Variants in ELOVL7 observed in about 807,000 individuals in gnomAD.
The protein encoded by ELOVL7 is very long chain fatty acid elongase 7.
In ELOVL7, 27 loss-of-function variants were observed where a neutral mutation model predicts 35.7. The observed-to-expected ratio is 0.76, with a 90% CI of 0.56 to 1.04. The LOEUF (loss-of-function observed/expected upper bound fraction) is 1.04. Among genes scored for constraint, ELOVL7 ranks in the 50% least tolerant of loss-of-function variants. The pLI is 0.00. For missense variants in ELOVL7, 327 were observed against 340.8 expected, an observed-to-expected ratio of 0.96 and a Z score of 0.32; for synonymous variants, 113 against 114.6, an observed-to-expected ratio of 0.99 and a Z score of 0.09.
chr5:60,808,232 C>T (rs1029020362), intron 1 of ELOVL7, among the ~76,000 whole-genome samples: 2 of 151,218 alleles, frequency 1.3e-5, no homozygotes, highest in Non-Finnish European at 2.9e-5. Flanking sequence ...AAGATGATCC[C>T]ATAAAAGGGT....
At chr5:60,833,031 C>T (rs1002751664) in intron 1 of ELOVL7, among the ~76,000 whole-genome samples, 1 of 152,132 alleles carries the variant, frequency 6.6e-6, no homozygotes, top group Admixed American at 6.5e-5. Context: ...TAATCCTCGC[C>T]CTGCCGTATT....
intron 2 of ELOVL7, 128 bp from the exon 3 acceptor site, chr5:60,787,559 T>G: frequency 1.9e-6 from 1 of 528,134 alleles, no homozygotes; most frequent in Non-Finnish European, 3.2e-6. Context: ...AAACTCCCAC[T>G]GAAGGCAAAT....
At chr5:60,838,251 C>T (rs1746948846) in intron 1 of ELOVL7, among the ~76,000 whole-genome samples, 1 of 152,148 alleles carries the variant, frequency 6.6e-6, no homozygotes, top group Non-Finnish European at 1.5e-5. Context: ...TCCCTGATCG[C>T]ACCTGCACTC....
At chr5:60,825,829 G>T (rs1366263761) in intron 1 of ELOVL7, among the ~76,000 whole-genome samples, 2 of 152,218 alleles carry the variant, frequency 1.3e-5, no homozygotes, top group African/African-American at 2.4e-5. Flanking sequence ...CCAGTAAAGG[G>T]TTTCTCTTTT....
At chr5:60,834,621 G>A (rs1746678042) in intron 1 of ELOVL7, among the ~76,000 whole-genome samples, 1 of 151,686 alleles carries the variant, frequency 6.6e-6, no homozygotes, top group Non-Finnish European at 1.5e-5. Context: ...TGGGCAACAT[G>A]GTGAGATCCT....
At chr5:60,817,005 T>C (rs1745552683) in intron 1 of ELOVL7, among the ~76,000 whole-genome samples, 1 of 152,316 alleles carries the variant, frequency 6.6e-6, no homozygotes, top group South Asian at 2.1e-4. Context: ...GTTAAATAAT[T>C]GGTAAACCTG....
intron 2 of ELOVL7, among the ~76,000 whole-genome samples, chr5:60,791,901 T>C (rs1218437180): frequency 6.6e-6 from 1 of 152,078 alleles, no homozygotes; most frequent in Admixed American, 6.5e-5. Context: ...TCTGTATCTG[T>C]GCGATTTTTT....
At chr5:60,841,637 G>A (rs1747178658) in intron 1 of ELOVL7, among the ~76,000 whole-genome samples, 1 of 152,134 alleles carries the variant, frequency 6.6e-6, no homozygotes, top group Non-Finnish European at 1.5e-5. Flanking sequence ...CCTATCTATG[G>A]CCAGAATAAC....
chr5:60,769,248 T>C (rs1742429671), intron 4 of ELOVL7, among the ~76,000 whole-genome samples: 1 of 152,256 alleles, frequency 6.6e-6, no homozygotes, highest in Non-Finnish European at 1.5e-5. Flanking sequence ...TATAAAATCC[T>C]ACTGTCAGTG....
chr5:60,836,520 C>T (rs1746806657), intron 1 of ELOVL7, among the ~76,000 whole-genome samples: 1 of 152,040 alleles, frequency 6.6e-6, no homozygotes, highest in South Asian at 2.1e-4. Flanking sequence ...AGACATAAAT[C>T]TTTCTGTCCT....
At chr5:60,817,679 C>CACTCACACCATATATAT (rs1745598977) in intron 1 of ELOVL7, among the ~76,000 whole-genome samples, 1 of 141,428 alleles carries the variant, frequency 7.1e-6, no homozygotes, top group South Asian at 2.2e-4. Flanking sequence ...CACATATATA[C>CACTCACACCATATATAT]ACACACACCA....
intron 3 of ELOVL7, among the ~76,000 whole-genome samples, chr5:60,782,328 A>T (rs1743305221): frequency 6.6e-6 from 1 of 152,220 alleles, no homozygotes; most frequent in South Asian, 2.1e-4. Context: ...AGCTATAAGG[A>T]AAACTACATG....
chr5:60,770,892 G>A (rs1352774753), intron 4 of ELOVL7, among the ~76,000 whole-genome samples: 2 of 152,122 alleles, frequency 1.3e-5, no homozygotes, highest in Admixed American at 6.5e-5. Context: ...TAGACACAAG[G>A]TCTCCCTATG....
At chr5:60,792,771 C>T (rs1381604616) in intron 2 of ELOVL7, among the ~76,000 whole-genome samples, 5 of 152,074 alleles carry the variant, frequency 3.3e-5, no homozygotes, top group African/African-American at 1.2e-4. Context: ...AACCAGGACC[C>T]GAAAAGACAA....
chr5:60,802,860 A>G (rs1744724389), intron 1 of ELOVL7, among the ~76,000 whole-genome samples: 1 of 152,238 alleles, frequency 6.6e-6, no homozygotes, highest in African/African-American at 2.4e-5. Flanking sequence ...CAGAAAACTC[A>G]TAATGGCTTA....
intron 3 of ELOVL7, among the ~76,000 whole-genome samples, chr5:60,774,888 C>A (rs1742813412): frequency 6.6e-6 from 1 of 151,648 alleles, no homozygotes; most frequent in Non-Finnish European, 1.5e-5. Context: ...GCCTCAGTCT[C>A]CTGAGGAGCT....
intron 4 of ELOVL7, among the ~76,000 whole-genome samples, chr5:60,768,185 C>G (rs767300090): frequency 1.3e-5 from 2 of 152,172 alleles, no homozygotes; most frequent in Non-Finnish European, 2.9e-5. Flanking sequence ...GAATAAAACA[C>G]TTGGAGTGTT....
intron 1 of ELOVL7, among the ~76,000 whole-genome samples, chr5:60,840,987 T>C (rs1747130041): frequency 6.6e-6 from 1 of 151,188 alleles, no homozygotes; most frequent in South Asian, 2.1e-4. Context: ...CTAGGTATTA[T>C]ATGGAAAACA....
At chr5:60,756,884 CATA>C (rs1485087373) in intron 8 of ELOVL7, among the ~76,000 whole-genome samples, 3 of 152,092 alleles carry the variant, frequency 2.0e-5, no homozygotes, top group Non-Finnish European at 4.4e-5. Context: ...ATCTCAAACC[CATA>C]ATGAGTCTCC....
Sources: allele counts gnomAD v4.1 joint callset (sites outside exome capture counted in the v4.1 genomes callset), GRCh38; gene constraint gnomAD v4.1.1; transcripts MANE v1.5; gene names NCBI Gene and HGNC (gene_info 2026-07-23, HGNC 2026-07-21).